Variants in MME observed in about 807,000 individuals in gnomAD.
MME encodes the protein membrane metalloendopeptidase.
MME carries 98 observed loss-of-function variants against 113.2 expected under a neutral mutation model. The ratio of observed to expected loss-of-function variants is 0.87; its 90% CI spans 0.74 to 1.02. MME has a LOEUF of 1.02. Ranked by LOEUF, MME falls within the 50% of genes least tolerant of loss-of-function variation. The pLI, the probability that MME is intolerant of heterozygous loss-of-function variation, is 0.00. For missense variants in MME, 836 were observed against 896.0 expected (o/e 0.93, Z 0.86); for synonymous variants, 292 against 300.6 (o/e 0.97, Z 0.30).
chr3:155,167,874 A>T (rs763557088), intron 18 of MME, among the ~76,000 whole-genome samples: 1 of 152,194 alleles, frequency 6.6e-6, no homozygotes, highest in African/African-American at 2.4e-5. Flanking sequence ...CAGAAGGTGA[A>T]TTCAAGTAGG....
At chr3:155,084,808 C>G (rs1027178276) in intron 2 of MME, among the ~76,000 whole-genome samples, 1 of 152,042 alleles carries the variant, frequency 6.6e-6, no homozygotes, top group Non-Finnish European at 1.5e-5. Flanking sequence ...ATTTAATAGG[C>G]CTGGGGCTTC....
At chr3:155,061,137 G>T (rs1430837240) in intron 1 of MME, among the ~76,000 whole-genome samples, 1 of 152,176 alleles carries the variant, frequency 6.6e-6, no homozygotes, top group African/African-American at 2.4e-5. Context: ...ATTGTATCAA[G>T]TTAAAAGCAG....
chr3:155,064,630 C>G (rs780483238), intron 1 of MME, among the ~76,000 whole-genome samples: 41 of 152,150 alleles, frequency 2.7e-4, no homozygotes, highest in Admixed American at 6.5e-4. Flanking sequence ...CTCCTGCATG[C>G]CTTTGAACAT....
intron 7 of MME, among the ~76,000 whole-genome samples, 179 bp from the exon 8 acceptor site, chr3:155,118,567 T>C (rs767183085): frequency 6.6e-6 from 1 of 152,228 alleles, no homozygotes; most frequent in Non-Finnish European, 1.5e-5. Context: ...CCCGTTAGTA[T>C]AACACTTACA....
intron 3 of MME, among the ~76,000 whole-genome samples, chr3:155,103,670 G>T (rs1260877627): frequency 6.6e-6 from 1 of 152,120 alleles, no homozygotes; most frequent in East Asian, 1.9e-4. Context: ...TATCAGTCTG[G>T]TTTTTCTTTT....
intron 1 of MME, among the ~76,000 whole-genome samples, chr3:155,073,686 T>C (rs1274650761): frequency 2.0e-5 from 3 of 152,200 alleles, no homozygotes; most frequent in Non-Finnish European, 4.4e-5. Context: ...ATAAATGTTT[T>C]AGGCTTTAAG....
intron 1 of MME, among the ~76,000 whole-genome samples, chr3:155,058,469 T>TAAAATA (rs1218222535): frequency 7.2e-5 from 11 of 152,328 alleles, no homozygotes; most frequent in Admixed American, 5.2e-4. Flanking sequence ...ACATAGCACG[T>TAAAATA]TAATGTTAGA....
intron 1 of MME, among the ~76,000 whole-genome samples, chr3:155,039,938 T>A (rs1038046224): frequency 2.9e-5 from 4 of 139,178 alleles, no homozygotes; most frequent in Admixed American, 2.1e-4. Context: ...AAAGATAAAA[T>A]TTTTTTAACA....
intron 1 of MME, among the ~76,000 whole-genome samples, chr3:155,058,835 A>C (rs2108133670): frequency 6.6e-6 from 1 of 152,354 alleles, no homozygotes; most frequent in African/African-American, 2.4e-5. Context: ...CTTCATGAAG[A>C]AGAAGAATCT....
chr3:155,117,319 G>A (rs971465926), intron 7 of MME, among the ~76,000 whole-genome samples: 2 of 152,072 alleles, frequency 1.3e-5, no homozygotes, highest in African/African-American at 4.8e-5. Flanking sequence ...GCATGCTTTC[G>A]TTTATAGAAG....
intron 3 of MME, among the ~76,000 whole-genome samples, chr3:155,110,159 A>G (rs2108238987): frequency 6.6e-6 from 1 of 152,342 alleles, no homozygotes; most frequent in African/African-American, 2.4e-5. Context: ...AGGGTACTTG[A>G]AAAGGACTGG....
intron 3 of MME, among the ~76,000 whole-genome samples, chr3:155,091,567 T>C (rs181092833): frequency 6.6e-6 from 1 of 152,216 alleles, no homozygotes; most frequent in Admixed American, 6.5e-5. Flanking sequence ...AGAATCCTGG[T>C]TTGACATTTA....
chr3:155,170,101 A>G (rs888796771), intron 20 of MME, among the ~76,000 whole-genome samples: 1 of 152,158 alleles, frequency 6.6e-6, no homozygotes, highest in African/African-American at 2.4e-5. Context: ...GCTGGAATGC[A>G]GTGGCACGAA....
chr3:155,032,841 T>G (rs543915075), intron 1 of MME, among the ~76,000 whole-genome samples: 24 of 152,330 alleles, frequency 1.6e-4, no homozygotes, highest in African/African-American at 5.5e-4. Flanking sequence ...GCCAATGTTT[T>G]GAAGCACAGA....
intron 1 of MME, among the ~76,000 whole-genome samples, chr3:155,070,967 A>G (rs1472119958): frequency 1.3e-5 from 2 of 152,104 alleles, no homozygotes; most frequent in African/African-American, 4.8e-5. Flanking sequence ...TCTCGCCCCC[A>G]GAGTCAGGGC....
chr3:155,138,018 A>C lies in MME; in HGVS notation c.721-84A>C, dbSNP rs567453385. 14 of 1,474,508 alleles carry C rather than the reference A, an allele frequency of 9.5e-6. No individual in the cohort carries two copies. The African/African-American group carries it at 1.5e-4, about 16-fold the overall frequency. The allele number at this position is 1,474,508 out of a possible 1,614,324, so 91.3% of individuals were successfully genotyped here. Reference sequence around the variant, plus strand: ...CTAAGGTTATCTATTACCAAAAATTAATATTGAAATGAAAATAAATTTTAA... The same window carrying C: ...CTAAGGTTATCTATTACCAAAAATTCATATTGAAATGAAAATAAATTTTAA... On this transcript the variant is annotated intron_variant, in intron 8 of 22. Coordinates refer to ENST00000360490, the MANE Select transcript of MME (RefSeq NM_007289.4).
intron 1 of MME, among the ~76,000 whole-genome samples, chr3:155,054,632 CA>C (rs1314107868): frequency 6.6e-6 from 1 of 152,064 alleles, no homozygotes; most frequent in Non-Finnish European, 1.5e-5. Context: ...GTCAGGAGGT[CA>C]TGGCGAAATC....
Position 155,110,023 on chromosome 3 carries a change from G to GT in MME, c.197-4970dup, listed in dbSNP as rs1312580488. Among the ~76,000 whole-genome samples, 20 of 152,214 alleles carry GT rather than the reference G, an allele frequency of 1.3e-4. 1 individual carries two copies. The highest frequency in any genetic ancestry group is 1.2e-3 in the Admixed American group (18 of 15,278). On this transcript the variant is annotated intron_variant, in intron 3 of 22. Coordinates refer to ENST00000360490, the MANE Select transcript of MME (RefSeq NM_007289.4). ...CGCGGACTCTCCAAGTCCTCAAGCT[G>GT]TACATTGTCCTGCCTTTGTCCCAAC... is the stretch of plus-strand genomic sequence containing the variant.
intron 1 of MME, among the ~76,000 whole-genome samples, chr3:155,038,100 T>C (rs1006662874): frequency 6.6e-6 from 1 of 152,144 alleles, no homozygotes; most frequent in African/African-American, 2.4e-5. Context: ...TGCTACCTAG[T>C]GCCATATGTT....
Sources: gnomAD v4.1 joint callset for allele counts (sites outside exome capture counted in the v4.1 genomes callset) on GRCh38, gnomAD v4.1.1 for gene constraint, MANE v1.5 for transcripts, NCBI Gene and HGNC (gene_info 2026-07-23, HGNC 2026-07-21) for gene names.